Variants in MMS22L observed in about 807,000 individuals in gnomAD.
MMS22L encodes MMS22 like, DNA repair protein.
Under a neutral mutation model 159.1 loss-of-function variants are expected in MMS22L, and 74 were observed. The ratio of observed to expected loss-of-function variants is 0.47; its 90% CI spans 0.39 to 0.56. MMS22L has a LOEUF of 0.56. Among genes scored for constraint, MMS22L ranks in the 20% least tolerant of loss-of-function variants. The pLI, the probability that MMS22L is intolerant of heterozygous loss-of-function variation, is 0.00. For missense variants in MMS22L, 1,351 were observed against 1,422.1 expected (o/e 0.95, Z 0.80); for synonymous variants, 517 against 506.9 (o/e 1.02, Z -0.27).
At chr6:97,281,015 A>T (rs1334242219) in intron 3 of MMS22L, among the ~76,000 whole-genome samples, 1 of 152,212 alleles carries the variant, frequency 6.6e-6, no homozygotes, top group Non-Finnish European at 1.5e-5. Flanking sequence ...TTGTCAATAC[A>T]TGTGTCAAAT....
At chr6:97,195,040 T>C (rs1170825071) in intron 14 of MMS22L, among the ~76,000 whole-genome samples, 1 of 152,108 alleles carries the variant, frequency 6.6e-6, no homozygotes, top group Non-Finnish European at 1.5e-5. Flanking sequence ...AAAAAAGAAA[T>C]CACAGTATGG....
At chr6:97,231,726 C>A in intron 12 of MMS22L, 74 bp from the exon 13 acceptor site, 1 of 1,056,988 alleles carries the variant, frequency 9.5e-7, no homozygotes, top group Non-Finnish European at 1.4e-6. Context: ...CTGCAAATCC[C>A]AGTTAGTTGG....
intron 14 of MMS22L, among the ~76,000 whole-genome samples, chr6:97,205,814 A>C (rs778135849): frequency 2.6e-5 from 4 of 152,118 alleles, no homozygotes; most frequent in Non-Finnish European, 5.9e-5. Flanking sequence ...CTTCCCTCCA[A>C]TCCCTTCTTC....
At chr6:97,272,572 G>T in intron 6 of MMS22L, 132 bp downstream of exon 6, 1 of 739,060 alleles carries the variant, frequency 1.4e-6, no homozygotes, top group South Asian at 2.0e-5. Context: ...AGGAGGATGG[G>T]GGGCAAGAAT....
At chr6:97,147,245 G>A (rs763382332) in intron 24 of MMS22L, among the ~76,000 whole-genome samples, 2 of 152,086 alleles carry the variant, frequency 1.3e-5, no homozygotes, top group East Asian at 1.9e-4. Flanking sequence ...TATCACAAGC[G>A]TAAGTATTAA....
chr6:97,254,871 C>T (rs1813623197), intron 9 of MMS22L, 138 bp from the exon 10 acceptor site: 2 of 649,114 alleles, frequency 3.1e-6, no homozygotes, highest in Admixed American at 3.7e-5. Flanking sequence ...TAAAAATGCC[C>T]AGGTTAAGAA....
intron 9 of MMS22L, among the ~76,000 whole-genome samples, chr6:97,257,260 T>C (rs1430007739): frequency 2.0e-5 from 3 of 152,176 alleles, no homozygotes. Flanking sequence ...TTTGTTATAT[T>C]ATGCATAACA....
chr6:97,216,432 T>A (rs1809023316), intron 14 of MMS22L, among the ~76,000 whole-genome samples: 1 of 152,114 alleles, frequency 6.6e-6, no homozygotes, highest in East Asian at 1.9e-4. Flanking sequence ...ATGCTGAAAT[T>A]TTACTTGCTT....
chr6:97,219,804 C>A (rs140756535), intron 14 of MMS22L, among the ~76,000 whole-genome samples: 1 of 152,274 alleles, frequency 6.6e-6, no homozygotes, highest in Non-Finnish European at 1.5e-5. Context: ...TTGCTGTGTG[C>A]ATAAGTCTCC....
At chr6:97,253,702 C>G (rs1384294200) in intron 10 of MMS22L, 1 of 152,108 alleles carries the variant, frequency 6.6e-6, no homozygotes, top group African/African-American at 2.4e-5. Context: ...TCAAGTGATC[C>G]ACCCGCCTTG....
chr6:97,247,317 T>C (rs867439991), intron 10 of MMS22L, among the ~76,000 whole-genome samples: 3 of 152,206 alleles, frequency 2.0e-5, no homozygotes, highest in South Asian at 2.1e-4. Flanking sequence ...TCACTTAATA[T>C]TCAGTTCTTA....
chr6:97,281,184 T>C, intron 3 of MMS22L, 53 bp downstream of exon 3: 1 of 1,535,132 alleles, frequency 6.5e-7, no homozygotes, highest in Admixed American at 2.2e-5. Flanking sequence ...AACAACGTAA[T>C]TTACAAAAGT....
chr6:97,282,691 CA>C, intron 1 of MMS22L, 138 bp from the exon 2 acceptor site: 1 of 506,656 alleles, frequency 2.0e-6, no homozygotes, highest in East Asian at 3.6e-5. Context: ...CTCCGTCCAT[CA>C]AGGCTGTCAG....
At chr6:97,155,770 T>C (rs564709088) in intron 22 of MMS22L, among the ~76,000 whole-genome samples, 6 of 152,244 alleles carry the variant, frequency 3.9e-5, no homozygotes, top group Non-Finnish European at 7.3e-5. Flanking sequence ...ACTTCGCTAT[T>C]GTAAACAGTA....
chr6:97,150,827 A>C (rs1182317234), intron 23 of MMS22L, among the ~76,000 whole-genome samples: 7 of 152,336 alleles, frequency 4.6e-5, no homozygotes, highest in Admixed American at 4.6e-4. Flanking sequence ...AGAGATAGGA[A>C]TAATAAAGGT....
At chr6:97,274,058 T>C (rs1262926843) in intron 4 of MMS22L, among the ~76,000 whole-genome samples, 1 of 152,164 alleles carries the variant, frequency 6.6e-6, no homozygotes, top group African/African-American at 2.4e-5. Context: ...CTCACTTACT[T>C]CAGCATTTAT....
rs1800797926 is a variant in MMS22L, at chr6:97,144,407, G to T, written c.*2399C>A. Reference sequence around the variant, plus strand: ...TGCATCCCACAAATACTGTATTTTAGATCCACATATAAGTGGACCTGCACA... The same window carrying T: ...TGCATCCCACAAATACTGTATTTTATATCCACATATAAGTGGACCTGCACA... On this transcript the variant is annotated 3_prime_UTR_variant, in exon 25 of 25. Transcript: ENST00000683635. The T allele has an allele frequency of 6.6e-6, 1 of 152,164 alleles. No individual in the cohort carries two copies. The highest frequency in any genetic ancestry group is 1.9e-4 in the East Asian group (1 of 5,188). 9.4% of individuals were successfully genotyped at this position (152,164 alleles called of 1,614,324 possible).
intron 15 of MMS22L, 63 bp from the exon 16 acceptor site, chr6:97,182,117 A>G (rs1582500089): frequency 1.3e-5 from 17 of 1,259,724 alleles, no homozygotes; most frequent in Non-Finnish European, 1.7e-5. Flanking sequence ...TGACCCACAC[A>G]CCCCTGGCCA....
chr6:97,279,119 A>G (rs1816510781), intron 3 of MMS22L, among the ~76,000 whole-genome samples: 1 of 152,240 alleles, frequency 6.6e-6, no homozygotes, highest in South Asian at 2.1e-4. Context: ...ATTATCTATT[A>G]AAGACTGCAT....
Sources: gnomAD v4.1 joint callset for allele counts (sites outside exome capture counted in the v4.1 genomes callset) on GRCh38, gnomAD v4.1.1 for gene constraint, MANE v1.5 for transcripts, NCBI Gene and HGNC (gene_info 2026-07-23, HGNC 2026-07-21) for gene names.